NKAIN2: variants seen among roughly 807,000 people sequenced by gnomAD.
NKAIN2 encodes sodium/potassium transporting ATPase interacting 2, also known as sodium/potassium-transporting ATPase subunit beta-1-interacting protein 2.
In NKAIN2, 14 loss-of-function variants were observed where a neutral mutation model predicts 32.6. The ratio of observed to expected loss-of-function variants is 0.43; its 90% CI spans 0.28 to 0.67. The LOEUF is 0.67. NKAIN2 is among the 30% of genes least tolerant of loss of function. The pLI is 0.17. For missense variants in NKAIN2, 198 were observed against 258.3 expected (o/e 0.77, Z 1.60); for synonymous variants, 80 against 87.2 (o/e 0.92, Z 0.46).
At chr6:123,813,584 G>A (rs919497897) in intron 1 of NKAIN2, among the ~76,000 whole-genome samples, 24 of 152,238 alleles carry the variant, frequency 1.6e-4, no homozygotes, top group African/African-American at 5.5e-4. Flanking sequence ...GGCCGAGGCC[G>A]GTAGATCACC....
intron 1 of NKAIN2, among the ~76,000 whole-genome samples, chr6:123,978,589 C>T (rs1013968431): frequency 6.6e-6 from 1 of 152,004 alleles, no homozygotes; most frequent in Non-Finnish European, 1.5e-5. Flanking sequence ...AAAATGAATG[C>T]GTTGTTGAAC....
At chr6:124,175,642 G>A (rs1789117916) in intron 1 of NKAIN2, among the ~76,000 whole-genome samples, 1 of 152,048 alleles carries the variant, frequency 6.6e-6, no homozygotes, top group African/African-American at 2.4e-5. Context: ...TTTATACAAT[G>A]GGAAGTTACT....
intron 4 of NKAIN2, among the ~76,000 whole-genome samples, chr6:124,697,589 C>T (rs1400953885): frequency 6.6e-6 from 1 of 152,156 alleles, no homozygotes. Flanking sequence ...TAAAGTCCAG[C>T]AGAAACTGAT....
intron 4 of NKAIN2, among the ~76,000 whole-genome samples, chr6:124,678,582 ATC>A (rs1322474138): frequency 6.6e-6 from 1 of 152,026 alleles, no homozygotes; most frequent in Admixed American, 6.6e-5. Flanking sequence ...AATATTTTTC[ATC>A]TCTTTGTTAA....
At chr6:124,300,485 G>T (rs1185837780) in intron 2 of NKAIN2, among the ~76,000 whole-genome samples, 1 of 152,164 alleles carries the variant, frequency 6.6e-6, no homozygotes, top group African/African-American at 2.4e-5. Flanking sequence ...ATTGGTACCA[G>T]TAAAGTGGGA....
intron 4 of NKAIN2, among the ~76,000 whole-genome samples, chr6:124,770,557 C>A (rs942419962): frequency 1.3e-5 from 2 of 152,038 alleles, no homozygotes; most frequent in Admixed American, 1.3e-4. Flanking sequence ...ATTTTAACTG[C>A]CTCTGCATGT....
intron 1 of NKAIN2, among the ~76,000 whole-genome samples, chr6:123,904,852 T>A (rs575521884): frequency 2.6e-5 from 4 of 152,138 alleles, no homozygotes; most frequent in Non-Finnish European, 5.9e-5. Flanking sequence ...CAGAACGAGT[T>A]GGTGTGGGCA....
chr6:124,373,467 CT>C (rs1799858563), intron 3 of NKAIN2, among the ~76,000 whole-genome samples: 4 of 151,986 alleles, frequency 2.6e-5, no homozygotes, highest in Admixed American at 2.6e-4. Flanking sequence ...AATTCAGATG[CT>C]TTTTGAACAG....
intron 3 of NKAIN2, among the ~76,000 whole-genome samples, chr6:124,555,633 G>A (rs1161667544): frequency 6.6e-6 from 1 of 151,888 alleles, no homozygotes. Context: ...GTTTCTCATT[G>A]TACTTCTGCT....
chr6:124,338,023 A>G (rs1290617387), intron 2 of NKAIN2, among the ~76,000 whole-genome samples: 1 of 152,184 alleles, frequency 6.6e-6, no homozygotes, highest in Non-Finnish European at 1.5e-5. Context: ...CAGTAGAAAA[A>G]CTATAATTAA....
chr6:124,347,529 C>T (rs1798490478), intron 2 of NKAIN2, among the ~76,000 whole-genome samples: 1 of 152,146 alleles, frequency 6.6e-6, no homozygotes, highest in Admixed American at 6.5e-5. Flanking sequence ...AGGCTTTGTT[C>T]GTTTCCTTTT....
chr6:123,811,884 A>G (rs1173023673), intron 1 of NKAIN2, among the ~76,000 whole-genome samples: 1 of 152,144 alleles, frequency 6.6e-6, no homozygotes, highest in African/African-American at 2.4e-5. Context: ...GAACTAGATA[A>G]TATGCTATGC....
At chr6:124,746,919 A>G (rs1176469191) in intron 4 of NKAIN2, among the ~76,000 whole-genome samples, 3 of 151,932 alleles carry the variant, frequency 2.0e-5, no homozygotes, top group Admixed American at 6.6e-5. Context: ...TTATGAATCA[A>G]TAATGTACTA....
chr6:124,332,385 G>A (rs550343955), intron 2 of NKAIN2, among the ~76,000 whole-genome samples: 18 of 152,094 alleles, frequency 1.2e-4, no homozygotes, highest in South Asian at 1.0e-3. Flanking sequence ...TACTACACAC[G>A]ACACTCTAAT....
intron 1 of NKAIN2, among the ~76,000 whole-genome samples, chr6:123,851,888 C>T (rs1337507795): frequency 6.6e-6 from 1 of 152,136 alleles, no homozygotes; most frequent in African/African-American, 2.4e-5. Context: ...TAGACTGTCA[C>T]TTCAGTCTGT....
chr6:124,329,391 C>T (rs1797557658), intron 2 of NKAIN2, among the ~76,000 whole-genome samples: 1 of 152,126 alleles, frequency 6.6e-6, no homozygotes. Flanking sequence ...TCTCTTAGAT[C>T]AAAGAATTTA....
chr6:124,689,392 C>A lies in NKAIN2; in HGVS notation c.474+31006C>A, dbSNP rs138004479. On this transcript the variant is annotated intron_variant, in intron 4 of 6. Coordinates refer to ENST00000368417, the MANE Select transcript of NKAIN2 (RefSeq NM_001040214.3). ...CATATATGTTTTTGGAAAATGTTTT[C>A]TTCCATACTGTTGCTTTTCTTTTCA... is the stretch of plus-strand genomic sequence containing the variant. 1.6e-3 allele frequency among the ~76,000 whole-genome samples: 242 copies of A among 152,100 alleles called. 1 individual carries two copies. The highest frequency in any genetic ancestry group is 5.5e-3 in the African/African-American group (230 of 41,532).
rs1321449919 is a variant in NKAIN2, at chr6:124,050,661, G to A, written c.55-232344G>A. ...GTACGGTCAGTTTGTGCACTTGCCCGCAGCACAAAAAAGAAAAGCTAAATT... is the reference window on the plus strand; with the variant it reads ...GTACGGTCAGTTTGTGCACTTGCCCACAGCACAAAAAAGAAAAGCTAAATT... On this transcript the variant is annotated intron_variant, in intron 1 of 6. Coordinates refer to ENST00000368417, the MANE Select transcript of NKAIN2 (RefSeq NM_001040214.3). Among the ~76,000 whole-genome samples, 6 of 151,868 alleles carry A rather than the reference G, an allele frequency of 4.0e-5. No individual in the cohort carries two copies. In the East Asian group the frequency reaches 5.8e-4, roughly 15 times the overall value.
chr6:123,850,396 T>C (rs1233288483), intron 1 of NKAIN2, among the ~76,000 whole-genome samples: 1 of 151,324 alleles, frequency 6.6e-6, no homozygotes, highest in African/African-American at 2.4e-5. Flanking sequence ...GTATATATTT[T>C]TTTCCCCTCC....
Sources: gnomAD v4.1 joint callset for allele counts (sites outside exome capture counted in the v4.1 genomes callset) on GRCh38, gnomAD v4.1.1 for gene constraint, MANE v1.5 for transcripts, NCBI Gene and HGNC (gene_info 2026-07-23, HGNC 2026-07-21) for gene names.